The following ABCB9 variants were observed in gnomAD, a reference collection of about 807,000 sequenced individuals.
ABCB9 encodes the protein ABC-type oligopeptide transporter ABCB9.
In ABCB9, 36 loss-of-function variants were observed where a neutral mutation model predicts 62.0. The observed-to-expected ratio is 0.58, with a 90% CI of 0.45 to 0.77. The LOEUF is 0.77. ABCB9 is among the 30% of genes least tolerant of loss of function. The probability of loss-of-function intolerance (pLI) is 0.00; values close to 1 mark genes in which losing one functional copy is unlikely to be tolerated. For synonymous variants in ABCB9, 435 were observed against 461.4 expected, an observed-to-expected ratio of 0.94 and a Z score of 0.73; for missense variants, 943 against 1,054.7, an observed-to-expected ratio of 0.89 and a Z score of 1.47.
intron 1 of ABCB9, among the ~76,000 whole-genome samples, chr12:122,962,512 C>T (rs1436732870): frequency 1.3e-5 from 2 of 152,230 alleles, no homozygotes; most frequent in African/African-American, 4.8e-5. Context: ...GAACCTCACA[C>T]AGTCCCACGA....
At chr12:122,958,816 T>G (rs542708185) in intron 2 of ABCB9, among the ~76,000 whole-genome samples, 1 of 152,128 alleles carries the variant, frequency 6.6e-6, no homozygotes, top group Non-Finnish European at 1.5e-5. Flanking sequence ...CACTACAGCC[T>G]GGGCAACAGA....
At chr12:122,927,297 G>A (rs988067811), downstream of ABCB9, among the ~76,000 whole-genome samples, 6 of 151,574 alleles carry the variant, frequency 4.0e-5, no homozygotes, top group East Asian at 1.9e-4. Context: ...TCAGCCTCCC[G>A]AGTAGCTGGG....
chr12:122,932,252 G>C lies in ABCB9; in HGVS notation c.1980C>G (p.Asn660Lys). The C allele has an allele frequency of 6.4e-7, 1 of 1,551,896 alleles. No homozygotes were observed. The highest frequency in any genetic ancestry group is 8.7e-7 in the Non-Finnish European group (1 of 1,147,382). ...RVAMARALVR[N>K]PPVLILDEAT... is the part of the protein sequence containing the mutation. ...CTTCATCCAGGATGAGGACTGGGGG[G>C]TTCCGCACCAGAGCCCGGGCCATGG... Residue 660 changes from asparagine to lysine, a missense_variant, in exon 11 of 12, where the codon AAC becomes AAG. Transcript: ENST00000280560. This position sits in a 1 kb window ranked among gnomAD's most constrained non-coding sequence, Gnocchi z 4.7.
intron 1 of ABCB9, among the ~76,000 whole-genome samples, chr12:122,962,271 G>A (rs1219559711): frequency 6.6e-6 from 1 of 152,202 alleles, no homozygotes; most frequent in African/African-American, 2.4e-5. Context: ...CCGGGCTGGG[G>A]TGTGTCCCTG....
In ABCB9 at chr12:122,959,717, C is replaced by T. The variant is rs778656261; in HGVS notation, c.519G>A (p.Thr173=). ...TGGTGTAGGAGAGCAGCTTCTGCAG[C>T]GTGGCCCCAGACGCCTGCTCGGGCG... The part of the protein sequence containing the change: ...RPPPEQASGA[T]LQKLLSYTKP... The change falls in exon 2 of 12, where the codon ACG becomes ACA. Residue 173 remains threonine, a synonymous_variant. Coordinates refer to ENST00000280560, the MANE Select transcript of ABCB9 (RefSeq NM_019625.4). This position sits in a 1 kb window ranked among gnomAD's most constrained non-coding sequence, Gnocchi z 5.4. 2.5e-6 allele frequency: 4 copies of T among 1,610,506 alleles called. No homozygotes were observed. The highest frequency in any genetic ancestry group is 2.7e-5 in the African/African-American group (2 of 74,978).
At chr12:122,961,226 C>T (rs1011238212) in intron 1 of ABCB9, among the ~76,000 whole-genome samples, 6 of 152,046 alleles carry the variant, frequency 3.9e-5, no homozygotes, top group African/African-American at 1.4e-4. Context: ...CTTGCTCTGT[C>T]GCCCAGGCTG....
rs369954984 is a variant in ABCB9, at chr12:122,929,967, C to T, written c.2245G>A (p.Ala749Thr). 158 of 1,578,896 alleles carry T rather than the reference C, an allele frequency of 1.0e-4. No individual in the cohort carries two copies. The South Asian group carries it at 1.4e-3, about 14-fold the overall frequency. The change falls in exon 12 of 12, where the codon GCA (alanine) becomes ACA (threonine). Residue 749 changes from alanine (A) to threonine (T), a missense_variant. Transcript: ENST00000280560. This position sits in a 1 kb window ranked among gnomAD's most constrained non-coding sequence, Gnocchi z 6.0. Reference sequence around the variant, plus strand: ...TCGTTGTGGCCAGCTGTGAAGTCTGCGGCGGGCTGAAGCCCCAGCATCTGC... The same window carrying T: ...TCGTTGTGGCCAGCTGTGAAGTCTGTGGCGGGCTGAAGCCCCAGCATCTGC... ...QRQMLGLQPA[A>T]DFTAGHNEPV...
At chr12:122,957,512 TG>T (rs1369775710) in intron 2 of ABCB9, among the ~76,000 whole-genome samples, 1 of 152,146 alleles carries the variant, frequency 6.6e-6, no homozygotes, top group Non-Finnish European at 1.5e-5. Context: ...CCCCAGAACC[TG>T]TGAGCTCCAA....
In ABCB9 at chr12:122,932,425, G is replaced by A. The variant is rs890305470; in HGVS notation, c.1904-97C>T. On this transcript the variant is annotated intron_variant, in intron 10 of 11. Transcript: ENST00000280560. This position sits in a 1 kb window ranked among gnomAD's most constrained non-coding sequence, Gnocchi z 4.7. Reference sequence around the variant, plus strand: ...CCTGCCCTGCAGCTGTGGAAAGGGCGGGCTGGAACCCACAACTTGAAAGCT... The same window carrying A: ...CCTGCCCTGCAGCTGTGGAAAGGGCAGGCTGGAACCCACAACTTGAAAGCT... 1.1e-5 allele frequency: 15 copies of A among 1,427,184 alleles called. No individual in the cohort carries two copies. Among genetic ancestry groups the A allele is most frequent in the East Asian group, 1.0e-4 (4 of 39,852 alleles). 88.4% of individuals were successfully genotyped at this position (1,427,184 alleles called of 1,614,324 possible).
chr12:122,940,101 G>A lies in ABCB9; in HGVS notation c.1743+10C>T, dbSNP rs556170242. Reference sequence around the variant, plus strand: ...GGGCGGAGAAGTGTGGCCCAGGCCCGTGCACATACCACACGGTGCAAGTAC... The same window carrying A: ...GGGCGGAGAAGTGTGGCCCAGGCCCATGCACATACCACACGGTGCAAGTAC... On this transcript the variant is annotated intron_variant, in intron 9 of 11. Coordinates refer to ENST00000280560, the MANE Select transcript of ABCB9 (RefSeq NM_019625.4). This position sits in a 1 kb window ranked among gnomAD's most constrained non-coding sequence, Gnocchi z 4.8. 2.4e-5 allele frequency: 38 copies of A among 1,606,838 alleles called. No homozygotes were observed. Among genetic ancestry groups the A allele is most frequent in the East Asian group, 2.0e-4 (9 of 44,690 alleles).
At chr12:122,933,193 C>T (rs894134858) in intron 10 of ABCB9, among the ~76,000 whole-genome samples, 17 of 152,174 alleles carry the variant, frequency 1.1e-4, no homozygotes, top group Middle Eastern at 3.2e-3. Context: ...CACCTGGCCA[C>T]GCCACCAGTT....
At position 122,947,585 on chromosome 12, in the gene ABCB9, C is replaced by A; in HGVS notation, c.1053+1039G>T. 1 of 385,900 alleles carries A rather than the reference C, an allele frequency of 2.6e-6. No homozygotes were observed. The highest frequency in any genetic ancestry group is 5.4e-6 in the Non-Finnish European group (1 of 186,320). 23.9% of individuals were successfully genotyped at this position (385,900 alleles called of 1,614,324 possible). A position where few individuals can be genotyped will look rare whatever the true frequency, so the allele number is the denominator to read the frequency against. On this transcript the variant is annotated intron_variant, in intron 5 of 11. Coordinates refer to ENST00000280560, the MANE Select transcript of ABCB9 (RefSeq NM_019625.4). This position sits in a 1 kb window ranked among gnomAD's most constrained non-coding sequence, Gnocchi z 6.0. ...CCTGTACCTGTCACAGGGTCACAGC[C>A]CTGCCTGTCTGAACCCAGCCTGTCT...
chr12:122,935,396 G>C lies in ABCB9; in HGVS notation c.1779C>G (p.Ala593=). ...SLVSQEPVLF[A]RSITDNISYG... is the part of the protein sequence containing the mutation. ...AGGAGATGTTATCCGTGATGGAGCGGGCGAACAGCACGGGCTCCTGGCTCA... is the reference window on the plus strand; with the variant it reads ...AGGAGATGTTATCCGTGATGGAGCGCGCGAACAGCACGGGCTCCTGGCTCA... The change falls in exon 10 of 12, where the codon GCC becomes GCG. Residue 593 remains alanine (A), a synonymous_variant. Coordinates refer to ENST00000280560, the MANE Select transcript of ABCB9 (RefSeq NM_019625.4). 6.2e-7 allele frequency: 1 copy of C among 1,614,010 alleles called. No individual in the cohort carries two copies. Among genetic ancestry groups the C allele is most frequent in the Non-Finnish European group, 8.5e-7 (1 of 1,179,970 alleles).
In ABCB9 at chr12:122,949,908, C is replaced by A; in HGVS notation, c.727G>T (p.Ala243Ser). 5 of 1,614,154 alleles carry A rather than the reference C, an allele frequency of 3.1e-6. No homozygotes were observed. The highest frequency in any genetic ancestry group is 4.2e-6 in the Non-Finnish European group (5 of 1,179,976). Residue 243 changes from alanine (A) to serine (S), a missense_variant, in exon 4 of 12, where the codon GCA becomes TCA. Coordinates refer to ENST00000280560, the MANE Select transcript of ABCB9 (RefSeq NM_019625.4). ...GTAAAAATGCCGCCCCGAATACCTG[C>A]GGCAAATGAGCTAATTGCAGATAAG... is the stretch of plus-strand genomic sequence containing the variant. ...CLLAIGSSFAAGIRGGIFTLI... is the reference protein window; with the variant it reads ...CLLAIGSSFASGIRGGIFTLI...
downstream of ABCB9, among the ~76,000 whole-genome samples, chr12:122,925,766 C>CAAA (rs201910131): frequency 7.2e-3 from 1,099 of 152,258 alleles, 24 homozygotes; most frequent in Admixed American, 0.029. Flanking sequence ...ACAACAACAA[C>CAAA]AAAACATGAA....
intron 1 of ABCB9, among the ~76,000 whole-genome samples, chr12:122,960,983 C>T (rs1007219368): frequency 6.6e-6 from 1 of 151,902 alleles, no homozygotes; most frequent in Non-Finnish European, 1.5e-5. Context: ...ATCGCTTCTT[C>T]AGCCTGGGAG....
chr12:122,935,462 G>T (rs746801159), intron 9 of ABCB9, 31 bp from the exon 10 acceptor site: 1 of 1,600,656 alleles, frequency 6.2e-7, no homozygotes, highest in East Asian at 2.2e-5. Context: ...AGCATGAGAG[G>T]CCAGGAATGT....
downstream of ABCB9, chr12:122,924,861 GA>G (rs1292883865): frequency 2.0e-5 from 31 of 1,528,946 alleles, no homozygotes; most frequent in African/African-American, 4.1e-5. Context: ...AATTGTAACA[GA>G]AAAAAGTCAG....
chr12:122,948,824 G>T lies in ABCB9; in HGVS notation c.853C>A (p.Leu285Ile). The change falls in exon 5 of 12, where the codon CTC becomes ATC. Residue 285 changes from leucine to isoleucine, a missense_variant. By Grantham distance (5) the Leu-to-Ile change is conservative. Transcript: ENST00000280560. ...SFFDENRTGD[L>I]ISRLTSDTTM... is the part of the protein sequence containing the mutation. ...GTGTCCGAGGTCAGGCGGGAGATGAGGTCCCCTGGAACACACGCGGCTCAG... is the reference window on the plus strand; with the variant it reads ...GTGTCCGAGGTCAGGCGGGAGATGATGTCCCCTGGAACACACGCGGCTCAG... 6.4e-7 allele frequency: 1 copy of T among 1,562,196 alleles called. No individual in the cohort carries two copies.
Sources: allele counts gnomAD v4.1 joint callset (sites outside exome capture counted in the v4.1 genomes callset), GRCh38; gene constraint gnomAD v4.1.1; non-coding constraint Gnocchi (gnomAD v3.1); transcripts MANE v1.5; gene names NCBI Gene and HGNC (gene_info 2026-07-23, HGNC 2026-07-21).